The following PLA2G4C variants were observed in gnomAD, a reference collection of about 807,000 sequenced individuals.
PLA2G4C encodes the protein cytosolic phospholipase A2 gamma.
A neutral mutation model predicts 73.8 loss-of-function variants in PLA2G4C; 64 were observed. The ratio of observed to expected loss-of-function variants is 0.87; its 90% CI spans 0.71 to 1.07. The LOEUF (loss-of-function observed/expected upper bound fraction) is 1.07. PLA2G4C is among the 50% of genes least tolerant of loss of function. The pLI is 0.00. For synonymous variants in PLA2G4C, 254 were observed against 252.1 expected (o/e 1.01, Z -0.07); for missense variants, 622 against 665.4 (o/e 0.93, Z 0.72).
chr19:48,049,884 T>A (rs1273722527), intron 16 of PLA2G4C, among the ~76,000 whole-genome samples: 2 of 152,166 alleles, frequency 1.3e-5, no homozygotes, highest in African/African-American at 4.8e-5. Flanking sequence ...CCTCCAGAAC[T>A]GTGAGACAAT....
At chr19:48,095,788 G>C (rs1314766115) in intron 6 of PLA2G4C, among the ~76,000 whole-genome samples, 184 bp from the exon 7 acceptor site, 1 of 152,172 alleles carries the variant, frequency 6.6e-6, no homozygotes, top group Non-Finnish European at 1.5e-5. Context: ...GCTGCTGGTG[G>C]CAGCTCATAA....
chr19:48,082,533 C>T (rs1438215923), intron 10 of PLA2G4C, among the ~76,000 whole-genome samples: 1 of 113,750 alleles, frequency 8.8e-6, no homozygotes, highest in East Asian at 2.8e-4. Flanking sequence ...CAGTCTCGAT[C>T]TGTTGCCCAG....
intron 9 of PLA2G4C, among the ~76,000 whole-genome samples, chr19:48,088,020 T>C (rs527977946): frequency 2.0e-4 from 30 of 152,180 alleles, no homozygotes; most frequent in African/African-American, 6.7e-4. Context: ...TTGCTCACCA[T>C]TGGGTGTTGC....
chr19:48,086,669 C>T (rs1317024621), intron 9 of PLA2G4C, among the ~76,000 whole-genome samples: 1 of 152,160 alleles, frequency 6.6e-6, no homozygotes, highest in South Asian at 2.1e-4. Context: ...GCAGCTGGTG[C>T]TCCACCTGCT....
chr19:48,061,702 C>T, intron 14 of PLA2G4C: 1 of 378,420 alleles, frequency 2.6e-6, no homozygotes, highest in South Asian at 2.4e-5. Flanking sequence ...AGGAGCTAGG[C>T]TGTTGCAGTT....
Position 48,048,141 on chromosome 19 carries a change from G to C in PLA2G4C, c.*202C>G. 1 of 542,922 alleles carries C rather than the reference G, an allele frequency of 1.8e-6. No individual in the cohort carries two copies. The highest frequency in any genetic ancestry group is 2.5e-5 in the South Asian group (1 of 39,324). 33.6% of individuals were successfully genotyped at this position (542,922 alleles called of 1,614,324 possible). On this transcript the variant is annotated 3_prime_UTR_variant, in exon 17 of 17. Coordinates refer to ENST00000599921, the MANE Select transcript of PLA2G4C (RefSeq NM_003706.3). ...TGCAGGACAAATTTCACCACCTTCA[G>C]CTCCTTGGACGCCTTCTTCTGAATG...
intron 14 of PLA2G4C, among the ~76,000 whole-genome samples, chr19:48,059,322 G>GA (rs1968081132): frequency 6.6e-6 from 1 of 151,954 alleles, no homozygotes; most frequent in South Asian, 2.1e-4. Context: ...CAATTTGTAG[G>GA]AAAAAGTTTC....
intron 3 of PLA2G4C, among the ~76,000 whole-genome samples, 180 bp downstream of exon 3, chr19:48,105,153 C>A (rs11564525): frequency 0.031 from 4,598 of 149,466 alleles, 104 homozygotes; most frequent in Non-Finnish European, 0.049. Context: ...AGGAGGAGAC[C>A]TAGGATCTCC....
At chr19:48,107,972 A>G (rs1257978586) in intron 1 of PLA2G4C, among the ~76,000 whole-genome samples, 2 of 152,122 alleles carry the variant, frequency 1.3e-5, no homozygotes, top group African/African-American at 2.4e-5. Context: ...CAATCATTGG[A>G]GATGACTCAC....
intron 6 of PLA2G4C, among the ~76,000 whole-genome samples, chr19:48,097,334 C>A (rs1215685553): frequency 7.1e-6 from 1 of 141,588 alleles, no homozygotes; most frequent in East Asian, 2.1e-4. Flanking sequence ...CTCACTGCAA[C>A]CTCCGCCTCC....
chr19:48,070,243 C>G (rs759941101), intron 12 of PLA2G4C, among the ~76,000 whole-genome samples: 1 of 152,184 alleles, frequency 6.6e-6, no homozygotes, highest in Non-Finnish European at 1.5e-5. Flanking sequence ...GTTATTTAAT[C>G]AAACACTAGC....
Position 48,104,704 on chromosome 19 carries a change from C to T in PLA2G4C, c.141G>A (p.Leu47=). 1 of 1,614,074 alleles carries T rather than the reference C, an allele frequency of 6.2e-7. No individual in the cohort carries two copies. Among genetic ancestry groups the T allele is most frequent in the Non-Finnish European group, 8.5e-7 (1 of 1,180,010 alleles). ...EADEAPVVAV[L]GSGGGLRAHI... The stretch of plus-strand genomic sequence containing the variant: ...GAGCCCGCAGTCCTCCGCCTGAGCC[C>T]AGCACAGCAACAACTGGGGCCTAGG... The change falls in exon 4 of 17, where the codon CTG becomes CTA. Residue 47 remains leucine (L), a synonymous_variant. Transcript: ENST00000599921.
At chr19:48,107,198 T>C (rs1030512065) in intron 1 of PLA2G4C, among the ~76,000 whole-genome samples, 2 of 145,406 alleles carry the variant, frequency 1.4e-5, no homozygotes, top group African/African-American at 5.2e-5. Flanking sequence ...GAGGGAACAA[T>C]TGATCGGCTA....
At chr19:48,088,151 A>G (rs1393542788) in intron 9 of PLA2G4C, among the ~76,000 whole-genome samples, 1 of 152,140 alleles carries the variant, frequency 6.6e-6, no homozygotes, top group Non-Finnish European at 1.5e-5. Context: ...GTGGGGAATG[A>G]GTTAAGCTTC....
chr19:48,105,921 C>CTTTCTTT lies in PLA2G4C; in HGVS notation c.9-478_9-477insAAAGAAA, dbSNP rs1568457418. On this transcript the variant is annotated intron_variant, in intron 2 of 16. Coordinates refer to ENST00000599921, the MANE Select transcript of PLA2G4C (RefSeq NM_003706.3). ...TCCCTCCCTCCCTCCCTCCCTCCCT[C>CTTTCTTT]CCTCCCTCCCTCCCTCCCTCCCTCC... Among the ~76,000 whole-genome samples the CTTTCTTT allele has an allele frequency of 1.1e-3, 17 of 15,212 alleles. 1 individual carries two copies. The highest frequency in any genetic ancestry group is 1.5e-3 in the Non-Finnish European group (15 of 9,726). The allele number at this position is 15,212 out of a possible 152,430, so 10.0% of individuals were successfully genotyped here.
chr19:48,104,520 G>A (rs1236642670), intron 4 of PLA2G4C, 68 bp downstream of exon 4: 1 of 1,480,226 alleles, frequency 6.8e-7, no homozygotes, highest in African/African-American at 1.4e-5. Context: ...CACACATTTG[G>A]TGTCAGGAGG....
At chr19:48,071,499 G>C (rs1968656591) in intron 12 of PLA2G4C, among the ~76,000 whole-genome samples, 1 of 152,060 alleles carries the variant, frequency 6.6e-6, no homozygotes, top group Non-Finnish European at 1.5e-5. Flanking sequence ...AGTTTGCCAT[G>C]TTGGCCAGGC....
chr19:48,068,041 C>T (rs564581729), intron 12 of PLA2G4C, 155 bp from the exon 13 acceptor site: 21 of 639,466 alleles, frequency 3.3e-5, no homozygotes, highest in African/African-American at 1.8e-4. Context: ...CGTTGGCTCA[C>T]GCCAGTCATC....
At chr19:48,059,132 G>T (rs1309312804) in intron 14 of PLA2G4C, among the ~76,000 whole-genome samples, 5 of 151,870 alleles carry the variant, frequency 3.3e-5, no homozygotes, top group Admixed American at 6.6e-5. Context: ...TTAGCTGGGT[G>T]TGGTGGCGCA....
Sources: gnomAD v4.1 joint callset for allele counts (sites outside exome capture counted in the v4.1 genomes callset) on GRCh38, gnomAD v4.1.1 for gene constraint, MANE v1.5 for transcripts, NCBI Gene and HGNC (gene_info 2026-07-23, HGNC 2026-07-21) for gene names.